DOCK1: variants seen among roughly 807,000 people sequenced by gnomAD.
The protein encoded by DOCK1 is dedicator of cytokinesis 1.
A neutral mutation model predicts 262.7 loss-of-function variants in DOCK1; 138 were observed. The ratio of observed to expected loss-of-function variants is 0.53; its 90% CI spans 0.46 to 0.61. The LOEUF (loss-of-function observed/expected upper bound fraction) is 0.61, where lower values mean the gene tolerates loss of function less well. DOCK1 is among the 20% of genes least tolerant of loss of function. The probability of loss-of-function intolerance (pLI) is 0.00; values close to 1 mark genes in which losing one functional copy is unlikely to be tolerated. For missense variants in DOCK1, 1,908 were observed against 2,370.7 expected, an observed-to-expected ratio of 0.80 and a Z score of 4.05; for synonymous variants, 866 against 867.4, an observed-to-expected ratio of 1.00 and a Z score of 0.03.
chr10:126,908,247 A>T (rs1215381758), intron 1 of DOCK1, among the ~76,000 whole-genome samples: 1 of 152,138 alleles, frequency 6.6e-6, no homozygotes, highest in East Asian at 1.9e-4. Context: ...ACTGGGAAGG[A>T]TGTAGGTGCT....
intron 29 of DOCK1, among the ~76,000 whole-genome samples, chr10:127,312,640 C>G (rs1439299417): frequency 6.6e-6 from 1 of 152,192 alleles, no homozygotes; most frequent in East Asian, 1.9e-4. Flanking sequence ...CTTACGGGCT[C>G]ATCCCAGTGG....
chr10:127,004,591 A>G (rs2040850529), intron 10 of DOCK1, among the ~76,000 whole-genome samples: 1 of 151,998 alleles, frequency 6.6e-6, no homozygotes, highest in Non-Finnish European at 1.5e-5. Flanking sequence ...ACTAAAAAAT[A>G]CAAAAGTTAG....
chr10:127,124,807 G>A (rs189042576), intron 25 of DOCK1, among the ~76,000 whole-genome samples: 2 of 152,274 alleles, frequency 1.3e-5, no homozygotes, highest in East Asian at 3.9e-4. Context: ...GCTCACCTTG[G>A]CATAGATGAG....
At chr10:127,283,703 C>G (rs1473817604) in intron 29 of DOCK1, among the ~76,000 whole-genome samples, 2 of 152,206 alleles carry the variant, frequency 1.3e-5, no homozygotes, top group Non-Finnish European at 2.9e-5. Flanking sequence ...GTTACTCCAG[C>G]ATTTTCATTG....
chr10:127,334,431 C>G (rs1348099021), intron 29 of DOCK1, among the ~76,000 whole-genome samples: 1 of 152,078 alleles, frequency 6.6e-6, no homozygotes, highest in Non-Finnish European at 1.5e-5. Context: ...GGGAGTGAAC[C>G]CATCTCCCTT....
intron 27 of DOCK1, among the ~76,000 whole-genome samples, chr10:127,128,742 A>T (rs2050129033): frequency 6.6e-6 from 1 of 152,126 alleles, no homozygotes; most frequent in Non-Finnish European, 1.5e-5. Flanking sequence ...ATGGCTGCAT[A>T]CTATTCCATG....
intron 33 of DOCK1, among the ~76,000 whole-genome samples, chr10:127,364,072 C>T (rs1167073876): frequency 2.0e-5 from 3 of 152,196 alleles, no homozygotes; most frequent in Admixed American, 6.5e-5. Context: ...CGGAACCTCC[C>T]TTGGTCTGGG....
At chr10:127,306,633 A>G (rs1002532207) in intron 29 of DOCK1, among the ~76,000 whole-genome samples, 4 of 152,200 alleles carry the variant, frequency 2.6e-5, no homozygotes, top group African/African-American at 9.7e-5. Flanking sequence ...ATTCAGCATT[A>G]CATCAGCTTT....
chr10:127,248,326 T>C (rs1023982542), intron 28 of DOCK1, among the ~76,000 whole-genome samples: 23 of 152,214 alleles, frequency 1.5e-4, no homozygotes, highest in African/African-American at 5.3e-4. Flanking sequence ...GAATGGAGAA[T>C]GACTCAGGGG....
At chr10:127,286,562 T>C (rs1001008069) in intron 29 of DOCK1, among the ~76,000 whole-genome samples, 27 of 152,336 alleles carry the variant, frequency 1.8e-4, no homozygotes, top group African/African-American at 6.3e-4. Context: ...CCTTTACCAC[T>C]GTCAACCATA....
chr10:127,233,713 C>A (rs964547349), intron 27 of DOCK1, among the ~76,000 whole-genome samples: 1 of 152,126 alleles, frequency 6.6e-6, no homozygotes, highest in Admixed American at 6.5e-5. Context: ...AAGGTTTCAG[C>A]GAACGGATAA....
chr10:127,204,662 A>G (rs1261135240), intron 27 of DOCK1, among the ~76,000 whole-genome samples: 1 of 152,168 alleles, frequency 6.6e-6, no homozygotes, highest in Non-Finnish European at 1.5e-5. Flanking sequence ...TGTCCCACAG[A>G]TCTGTTACTC....
intron 7 of DOCK1, 146 bp downstream of exon 7, chr10:126,997,029 G>A: frequency 7.9e-6 from 7 of 891,118 alleles, no homozygotes; most frequent in South Asian, 2.4e-5. Flanking sequence ...AGTCATGAGT[G>A]GAATGGAGCC....
chr10:127,282,790 C>G (rs953135807), intron 29 of DOCK1, among the ~76,000 whole-genome samples: 3 of 152,254 alleles, frequency 2.0e-5, no homozygotes, highest in African/African-American at 7.2e-5. Context: ...CAAGCTCTGC[C>G]TTGGCGACAA....
chr10:126,973,930 G>C (rs1468224798), intron 2 of DOCK1, among the ~76,000 whole-genome samples: 1 of 152,000 alleles, frequency 6.6e-6, no homozygotes, highest in African/African-American at 2.4e-5. Context: ...TGCTCCAGAG[G>C]CTATAATTTC....
chr10:127,320,401 G>A (rs903259979), intron 29 of DOCK1, among the ~76,000 whole-genome samples: 1 of 152,222 alleles, frequency 6.6e-6, no homozygotes, highest in African/African-American at 2.4e-5. Context: ...CCTTGCGTAA[G>A]TAGAATGAGA....
intron 38 of DOCK1, among the ~76,000 whole-genome samples, chr10:127,389,973 C>T (rs2134182622): frequency 6.6e-6 from 1 of 150,956 alleles, no homozygotes; most frequent in East Asian, 2.0e-4. Context: ...GAGATTGAGC[C>T]ACTGCACTCC....
intron 29 of DOCK1, among the ~76,000 whole-genome samples, chr10:127,275,967 C>T (rs1281558937): frequency 6.6e-6 from 1 of 152,358 alleles, no homozygotes; most frequent in Non-Finnish European, 1.5e-5. Flanking sequence ...CGTTGGAGAT[C>T]CCTGCGGCTC....
chr10:126,912,557 T>C (rs2134024451), intron 1 of DOCK1, among the ~76,000 whole-genome samples: 1 of 150,420 alleles, frequency 6.6e-6, no homozygotes, highest in East Asian at 2.0e-4. Flanking sequence ...AAACCCTGTC[T>C]CTACTAAAAA....
Sources: gnomAD v4.1 joint callset for allele counts (sites outside exome capture counted in the v4.1 genomes callset) on GRCh38, gnomAD v4.1.1 for gene constraint, MANE v1.5 for transcripts, NCBI Gene and HGNC (gene_info 2026-07-23, HGNC 2026-07-21) for gene names.